Variants in KCNJ6 observed in about 807,000 individuals in gnomAD.
The protein encoded by KCNJ6 is G protein-activated inward rectifier potassium channel 2.
KCNJ6 carries 9 observed loss-of-function variants against 34.2 expected under a neutral mutation model. That is an observed-to-expected ratio of 0.26 (90% confidence interval 0.16 to 0.46). KCNJ6 has a LOEUF of 0.46. KCNJ6 is among the 20% of genes least tolerant of loss of function. The pLI is 1.00. For synonymous variants in KCNJ6, 196 were observed against 207.1 expected (o/e 0.95, Z 0.46); for missense variants, 236 against 531.3 (o/e 0.44, Z 5.46).
At chr21:37,914,008 G>GGTGTGTGTGTGTGTGTGTGTGT (rs371432862) in intron 1 of KCNJ6, among the ~76,000 whole-genome samples, 94 of 135,576 alleles carry the variant, frequency 6.9e-4, no homozygotes, top group Admixed American at 1.9e-3. Context: ...GGCGGATCGG[G>GGTGTGTGTGTGTGTGTGTGTGT]GTGTGTGTGT....
intron 1 of KCNJ6, among the ~76,000 whole-genome samples, chr21:37,853,853 T>TATATATATATATATAC (rs58043642): frequency 0.12 from 17,489 of 142,124 alleles, 1,762 homozygotes; most frequent in African/African-American, 0.24. Flanking sequence ...TATGTATATA[T>TATATATATATATATAC]ATATATATAA....
rs1363214733 is a variant in KCNJ6 at position 37,705,177 on chromosome 21, G to A, written c.946+9034C>T. ...TAGTTGTCGGTGCATTAATGAACTC[G>A]AATCAATAACCACTATCTTGGAGCT... On this transcript the variant is annotated intron_variant, in intron 3 of 3. Coordinates refer to ENST00000609713, the MANE Select transcript of KCNJ6 (RefSeq NM_002240.5). 4.6e-5 allele frequency among the ~76,000 whole-genome samples: 7 copies of A among 152,106 alleles called. No homozygotes were observed. The East Asian group carries it at 9.7e-4, about 21-fold the overall frequency.
At chr21:37,709,314 C>G (rs889811986) in intron 3 of KCNJ6, among the ~76,000 whole-genome samples, 1 of 151,964 alleles carries the variant, frequency 6.6e-6, no homozygotes, top group Non-Finnish European at 1.5e-5. Context: ...GAGTTCCAGA[C>G]CAGCCTGACC....
At chr21:37,734,955 A>G (rs2054905163) in intron 2 of KCNJ6, among the ~76,000 whole-genome samples, 1 of 152,176 alleles carries the variant, frequency 6.6e-6, no homozygotes, top group Admixed American at 6.5e-5. Context: ...AATGAATGAC[A>G]GGAACGTTGG....
chr21:37,701,316 G>C (rs991985692), intron 3 of KCNJ6, among the ~76,000 whole-genome samples: 1 of 152,150 alleles, frequency 6.6e-6, no homozygotes, highest in African/African-American at 2.4e-5. Flanking sequence ...GGGAGGAGGC[G>C]GTTGGAACTG....
rs1339174806 is a variant in KCNJ6, at chr21:37,685,705, A to AAAAAAG, written c.946+28505_946+28506insCTTTTT. On this transcript the variant is annotated intron_variant, in intron 3 of 3. Transcript: ENST00000609713. ...CCAAAAAAAAAAAAAAAAAAAAAAA[A>AAAAAAG]AAATCTATCCTATGGATATCAGAGG... Among the ~76,000 whole-genome samples the AAAAAAG allele has an allele frequency of 1.5e-5, 2 of 130,734 alleles. 1 individual carries two copies. Among genetic ancestry groups the AAAAAAG allele is most frequent in the Non-Finnish European group, 3.2e-5 (2 of 62,118 alleles). 85.8% of individuals were successfully genotyped at this position (130,734 alleles called of 152,430 possible).
intron 1 of KCNJ6, among the ~76,000 whole-genome samples, chr21:37,899,230 C>T (rs1246888227): frequency 6.6e-6 from 1 of 152,030 alleles, no homozygotes; most frequent in Non-Finnish European, 1.5e-5. Context: ...AGATTTTTGT[C>T]TTTTGTGTAT....
chr21:37,812,919 G>A (rs184120803), intron 2 of KCNJ6, among the ~76,000 whole-genome samples: 23 of 152,198 alleles, frequency 1.5e-4, no homozygotes, highest in African/African-American at 4.6e-4. Flanking sequence ...AGCTACAGCC[G>A]TCAGACAAGA....
At chr21:37,716,570 C>A (rs111794184) in intron 2 of KCNJ6, among the ~76,000 whole-genome samples, 2,602 of 151,770 alleles carry the variant, frequency 0.017, 42 homozygotes, top group African/African-American at 0.045. Flanking sequence ...TTCATGGAGA[C>A]GGGGGTCTCA....
chr21:37,766,299 A>G (rs1162077315), intron 2 of KCNJ6, among the ~76,000 whole-genome samples: 1 of 151,688 alleles, frequency 6.6e-6, no homozygotes, highest in Non-Finnish European at 1.5e-5. Flanking sequence ...CTAAATATCC[A>G]CTCCAGAGTC....
At chr21:37,674,917 TTGAA>T (rs1034591116) in intron 3 of KCNJ6, among the ~76,000 whole-genome samples, 18 of 152,128 alleles carry the variant, frequency 1.2e-4, no homozygotes, top group Admixed American at 5.2e-4. Context: ...GAATGAATGA[TTGAA>T]TGAAAGAAAT....
chr21:37,713,187 C>G (rs1217973352), intron 3 of KCNJ6, among the ~76,000 whole-genome samples: 1 of 152,106 alleles, frequency 6.6e-6, no homozygotes, highest in Non-Finnish European at 1.5e-5. Flanking sequence ...TTACTTGTCA[C>G]AGGTTGATGA....
chr21:37,915,430 T>C (rs952113230), intron 1 of KCNJ6, among the ~76,000 whole-genome samples: 13 of 152,154 alleles, frequency 8.5e-5, no homozygotes, highest in African/African-American at 3.1e-4. Context: ...TTTCCTCCCT[T>C]TCGTGTTGTC....
chr21:37,915,069 C>T (rs753905053), intron 1 of KCNJ6, among the ~76,000 whole-genome samples: 1 of 152,114 alleles, frequency 6.6e-6, no homozygotes, highest in Non-Finnish European at 1.5e-5. Flanking sequence ...GCACCTAGTA[C>T]AACAGATGTA....
At chr21:37,799,168 C>T (rs2055257567) in intron 2 of KCNJ6, among the ~76,000 whole-genome samples, 1 of 152,126 alleles carries the variant, frequency 6.6e-6, no homozygotes, top group African/African-American at 2.4e-5. Context: ...TGAGAACACG[C>T]AGTATTTGGT....
chr21:37,883,140 T>C (rs770507919), intron 1 of KCNJ6, among the ~76,000 whole-genome samples: 2 of 152,212 alleles, frequency 1.3e-5, no homozygotes, highest in African/African-American at 2.4e-5. Flanking sequence ...AGTAGTTGGG[T>C]AACCTGGGAG....
chr21:37,915,157 G>A (rs1196679759), intron 1 of KCNJ6, among the ~76,000 whole-genome samples: 1 of 152,242 alleles, frequency 6.6e-6, no homozygotes, highest in East Asian at 1.9e-4. Flanking sequence ...CAAGCTTAAT[G>A]TTTTGATGAA....
intron 3 of KCNJ6, among the ~76,000 whole-genome samples, chr21:37,660,880 G>A (rs2054485167): frequency 6.6e-6 from 1 of 152,200 alleles, no homozygotes; most frequent in Non-Finnish European, 1.5e-5. Flanking sequence ...TCATTTGCAT[G>A]ATTTTAAGGT....
chr21:37,834,284 C>T (rs1029664434), intron 2 of KCNJ6, among the ~76,000 whole-genome samples: 1 of 152,248 alleles, frequency 6.6e-6, no homozygotes, highest in Non-Finnish European at 1.5e-5. Context: ...CATCTGCTAT[C>T]AATGCTTTGC....
Sources: gnomAD v4.1 joint callset for allele counts (sites outside exome capture counted in the v4.1 genomes callset) on GRCh38, gnomAD v4.1.1 for gene constraint, MANE v1.5 for transcripts, NCBI Gene and HGNC (gene_info 2026-07-23, HGNC 2026-07-21) for gene names.